The following CNNM2 variants were observed in gnomAD, a reference collection of about 807,000 sequenced individuals.
The protein encoded by CNNM2 is metal transporter CNNM2.
In CNNM2, 12 loss-of-function variants were observed where a neutral mutation model predicts 66.9. The ratio of observed to expected loss-of-function variants is 0.18; its 90% CI spans 0.11 to 0.29. The LOEUF is 0.29. CNNM2 is among the 10% of genes least tolerant of loss of function. The pLI, the probability that CNNM2 is intolerant of heterozygous loss-of-function variation, is 1.00. For synonymous variants in CNNM2, 557 were observed against 501.8 expected (o/e 1.11, Z -1.47); for missense variants, 705 against 1,167.7 (o/e 0.60, Z 5.77).
chr10:102,999,059 G>A (rs1354840965), intron 1 of CNNM2, among the ~76,000 whole-genome samples: 1 of 148,590 alleles, frequency 6.7e-6, no homozygotes, highest in Non-Finnish European at 1.5e-5. Flanking sequence ...CAAAAAAATC[G>A]CTTATATTTC....
chr10:102,956,650 A>AT (rs1026421502), intron 1 of CNNM2, among the ~76,000 whole-genome samples: 1 of 152,238 alleles, frequency 6.6e-6, no homozygotes, highest in African/African-American at 2.4e-5. Context: ...ATAAAAAAGG[A>AT]TGAGTGCATG....
At chr10:103,074,660 C>G (rs2065658760) in intron 6 of CNNM2, among the ~76,000 whole-genome samples, 1 of 151,992 alleles carries the variant, frequency 6.6e-6, no homozygotes, top group Non-Finnish European at 1.5e-5. Flanking sequence ...TGGCAAAAAC[C>G]CCATCTATAC....
At chr10:102,927,387 A>G in intron 1 of CNNM2, 1 of 1,613,860 alleles carries the variant, frequency 6.2e-7, no homozygotes, top group East Asian at 2.2e-5. Context: ...CACTGAAAAG[A>G]AGAGACAATA....
chr10:103,039,122 T>C (rs2064993585), intron 1 of CNNM2, among the ~76,000 whole-genome samples: 1 of 152,198 alleles, frequency 6.6e-6, no homozygotes, highest in Non-Finnish European at 1.5e-5. Flanking sequence ...GGTTTGATTA[T>C]AGCTCGTGTT....
chr10:103,019,071 C>T (rs1257494870), intron 1 of CNNM2, among the ~76,000 whole-genome samples: 1 of 151,372 alleles, frequency 6.6e-6, no homozygotes, highest in Non-Finnish European at 1.5e-5. Context: ...AGTTAGAGAC[C>T]AGCCTGGGCA....
intron 1 of CNNM2, among the ~76,000 whole-genome samples, chr10:102,957,606 T>C (rs1220621980): frequency 6.6e-6 from 1 of 152,230 alleles, no homozygotes; most frequent in Admixed American, 6.5e-5. Context: ...GTCCGACTTT[T>C]CACCAAAGAC....
intron 2 of CNNM2, among the ~76,000 whole-genome samples, chr10:103,051,584 A>G (rs187983775): frequency 1.6e-4 from 24 of 151,890 alleles, no homozygotes; most frequent in Admixed American, 1.5e-3. Flanking sequence ...CTACAAAAAT[A>G]TAAAAATCAG....
Position 103,010,945 on chromosome 10 carries a change from T to C in CNNM2, c.1622-38762T>C, listed in dbSNP as rs6584536. Among the ~76,000 whole-genome samples, 149,537 of 152,338 alleles carry C rather than the reference T, an allele frequency of 0.98. 73,421 individuals carry two copies. Among genetic ancestry groups the C allele is most frequent in the East Asian group, 1 (5,188 of 5,188 alleles). ...TTATATTCTTATGTTTTATATTACT[T>C]TTTCGTTTTTTCAGAGCAATTACCC... On this transcript the variant is annotated intron_variant, in intron 1 of 7. Coordinates refer to ENST00000369878, the MANE Select transcript of CNNM2 (RefSeq NM_017649.5).
chr10:102,952,233 G>C (rs1846865722), intron 1 of CNNM2, among the ~76,000 whole-genome samples: 1 of 151,848 alleles, frequency 6.6e-6, no homozygotes, highest in East Asian at 2.0e-4. Context: ...GAGCCACCAC[G>C]CTGGCCAGAA....
intron 4 of CNNM2, among the ~76,000 whole-genome samples, chr10:103,067,087 GCATAGC>G (rs1343408658): frequency 2.0e-5 from 3 of 151,952 alleles, no homozygotes; most frequent in African/African-American, 7.3e-5. Flanking sequence ...GCATCAGGTG[GCATAGC>G]ATCTTTTTTT....
chr10:103,023,015 A>G (rs1379321776), intron 1 of CNNM2, among the ~76,000 whole-genome samples: 8 of 151,938 alleles, frequency 5.3e-5, no homozygotes, highest in Non-Finnish European at 1.2e-4. Flanking sequence ...TGATTCTCCT[A>G]CCTCAGCCTC....
chr10:103,008,650 A>G (rs1015253155), intron 1 of CNNM2, among the ~76,000 whole-genome samples: 1 of 151,972 alleles, frequency 6.6e-6, no homozygotes, highest in Non-Finnish European at 1.5e-5. Context: ...GTGGTGGCAC[A>G]TGCCTGTAGT....
At position 103,068,681 on chromosome 10, in the gene CNNM2, C is replaced by T; in HGVS notation, c.2126C>T (p.Ala709Val). 2 of 1,613,230 alleles carry T rather than the reference C, an allele frequency of 1.2e-6. No individual in the cohort carries two copies. The highest frequency in any genetic ancestry group is 1.7e-6 in the Non-Finnish European group (2 of 1,179,652). Residue 709 changes from alanine (A) to valine (V), a missense_variant, in exon 5 of 8, where the codon GCC (alanine) becomes GTC (valine). Ala to Val is a moderately conservative substitution (Grantham distance 64). Coordinates refer to ENST00000369878, the MANE Select transcript of CNNM2 (RefSeq NM_017649.5). Reference protein sequence around the residue: ...GKEGMKFEASAFSYYGVMALT... With the variant: ...GKEGMKFEASVFSYYGVMALT... ...GAAGGTATGAAGTTTGAAGCGAGCG[C>T]CTTCTCATACTATGGCGTGATGGCC...
intron 4 of CNNM2, among the ~76,000 whole-genome samples, chr10:103,060,263 T>TA (rs1163109015): frequency 6.6e-5 from 10 of 152,006 alleles, no homozygotes; most frequent in African/African-American, 2.4e-4. Flanking sequence ...AAATTCGAAA[T>TA]AAAAAATACA....
intron 1 of CNNM2, among the ~76,000 whole-genome samples, chr10:102,994,175 G>C (rs760559890): frequency 2.0e-4 from 31 of 152,170 alleles, no homozygotes; most frequent in Non-Finnish European, 3.5e-4. Context: ...GACCTCAAGT[G>C]ATCCACCCGC....
chr10:102,986,619 T>TAA (rs34820640), intron 1 of CNNM2, among the ~76,000 whole-genome samples: 11 of 147,318 alleles, frequency 7.5e-5, no homozygotes, highest in East Asian at 2.0e-4. Context: ...TGTCTCTACT[T>TAA]AAAAAAAAAA....
Position 103,002,394 on chromosome 10 carries a change from C to T in CNNM2, c.1622-47313C>T, listed in dbSNP as rs573783019. The stretch of plus-strand genomic sequence containing the variant: ...GGAAATACAAATCAAAACTACAAGA[C>T]AGCACTTTGTACTCACTAGGACGGC... On this transcript the variant is annotated intron_variant, in intron 1 of 7. Transcript: ENST00000369878. Among the ~76,000 whole-genome samples the T allele has an allele frequency of 1.6e-3, 244 of 151,772 alleles. No individual in the cohort carries two copies. The highest frequency in any genetic ancestry group is 3.3e-3 in the Non-Finnish European group (221 of 67,976).
At chr10:102,988,398 A>G (rs2063836328) in intron 1 of CNNM2, among the ~76,000 whole-genome samples, 1 of 152,120 alleles carries the variant, frequency 6.6e-6, no homozygotes, top group Admixed American at 6.6e-5. Flanking sequence ...TTAGACTGAA[A>G]CCTGTGAATG....
rs2065770592 is a variant in CNNM2, at chr10:103,082,860, C to G, written c.*5680C>G. ...GGTTTCTTGGTGACAGGCTCTCTTC[C>G]CCTATGTAGGGTACAGTACAGCTGT... On this transcript the variant is annotated 3_prime_UTR_variant, in exon 8 of 8. Coordinates refer to ENST00000369878, the MANE Select transcript of CNNM2 (RefSeq NM_017649.5). 6.6e-6 allele frequency: 1 copy of G among 152,214 alleles called. No individual in the cohort carries two copies. The highest frequency in any genetic ancestry group is 2.1e-4 in the South Asian group (1 of 4,826). 9.4% of individuals were successfully genotyped at this position (152,214 alleles called of 1,614,324 possible).
Sources: gnomAD v4.1 joint callset for allele counts (sites outside exome capture counted in the v4.1 genomes callset) on GRCh38, gnomAD v4.1.1 for gene constraint, MANE v1.5 for transcripts, NCBI Gene and HGNC (gene_info 2026-07-23, HGNC 2026-07-21) for gene names.